STRN: variants seen among roughly 807,000 people sequenced by gnomAD.
STRN encodes the protein protein phosphatase 2 regulatory subunit B'''alpha.
A neutral mutation model predicts 96.3 loss-of-function variants in STRN; 53 were observed. The ratio of observed to expected loss-of-function variants is 0.55; its 90% CI spans 0.44 to 0.69. The LOEUF (loss-of-function observed/expected upper bound fraction) is 0.69, where lower values mean the gene tolerates loss of function less well. STRN is among the 30% of genes least tolerant of loss of function. The pLI, the probability that STRN is intolerant of heterozygous loss-of-function variation, is 0.00. For missense variants in STRN, 987 were observed against 963.9 expected, an observed-to-expected ratio of 1.02 and a Z score of -0.32; for synonymous variants, 428 against 355.9, an observed-to-expected ratio of 1.20 and a Z score of -2.28.
intron 1 of STRN, among the ~76,000 whole-genome samples, chr2:36,952,021 G>T (rs892317760): frequency 7.2e-5 from 11 of 152,174 alleles, no homozygotes; most frequent in African/African-American, 2.7e-4. Context: ...ATGATGTGAG[G>T]TGGAACAATT....
intron 1 of STRN, among the ~76,000 whole-genome samples, chr2:36,944,826 A>C (rs1488220397): frequency 6.6e-6 from 1 of 152,220 alleles, no homozygotes; most frequent in Non-Finnish European, 1.5e-5. Flanking sequence ...ATTCAGTCGT[A>C]ATCAGAGAAA....
chr2:36,961,402 C>T (rs182289834), intron 1 of STRN, among the ~76,000 whole-genome samples: 1 of 152,120 alleles, frequency 6.6e-6, no homozygotes. Flanking sequence ...TACAGGATTA[C>T]AGGTTTTGAG....
At chr2:36,878,176 A>C in intron 9 of STRN, 149 bp from the exon 10 acceptor site, 1 of 840,210 alleles carries the variant, frequency 1.2e-6, no homozygotes, top group East Asian at 2.8e-5. Context: ...GTGAGCAGAA[A>C]ATCCTAAATA....
rs939080316 is a variant in STRN, at chr2:36,838,363, G to C, written c.*11093C>G. Among the ~76,000 whole-genome samples the C allele has an allele frequency of 2.0e-5, 3 of 152,162 alleles. No individual in the cohort carries two copies. The highest frequency in any genetic ancestry group is 7.2e-5 in the African/African-American group (3 of 41,434). ...TTTCAGCCTTGTTGGGCCTTGAACA[G>C]ACAGCCCAGTTGAGTTTCCCTGGAG... is the stretch of plus-strand genomic sequence containing the variant. On this transcript the variant is annotated 3_prime_UTR_variant, in exon 18 of 18. Coordinates refer to ENST00000263918, the MANE Select transcript of STRN (RefSeq NM_003162.4).
chr2:36,961,750 T>G (rs959918349), intron 1 of STRN, among the ~76,000 whole-genome samples: 1 of 152,186 alleles, frequency 6.6e-6, no homozygotes, highest in Non-Finnish European at 1.5e-5. Context: ...CTCAGCTTGC[T>G]GAGGTATAAG....
At chr2:36,925,471 T>C (rs1670384550) in intron 1 of STRN, among the ~76,000 whole-genome samples, 1 of 152,012 alleles carries the variant, frequency 6.6e-6, no homozygotes, top group Admixed American at 6.6e-5. Flanking sequence ...CATTTAAGAG[T>C]CTACAATATA....
In STRN at chr2:36,844,936, G is replaced by C. The variant is rs778024098; in HGVS notation, c.*4520C>G. ...TTTCACAAAAATATACATATTTTTCGTCAGCTACTACTTTGTATACAACCT... is the reference window on the plus strand; with the variant it reads ...TTTCACAAAAATATACATATTTTTCCTCAGCTACTACTTTGTATACAACCT... On this transcript the variant is annotated 3_prime_UTR_variant, in exon 18 of 18. Transcript: ENST00000263918. 23 of 151,892 alleles carry C rather than the reference G, an allele frequency of 1.5e-4. No individual in the cohort carries two copies. Among genetic ancestry groups the C allele is most frequent in the Non-Finnish European group, 4.4e-5 (3 of 67,978 alleles). The allele number at this position is 151,892 out of a possible 1,614,324, so 9.4% of individuals were successfully genotyped here.
intron 9 of STRN, among the ~76,000 whole-genome samples, chr2:36,879,966 TA>T (rs552826713): frequency 3.6e-3 from 500 of 140,712 alleles, no homozygotes; most frequent in Middle Eastern, 7.5e-3. Flanking sequence ...CCCTATATCT[TA>T]AAAAAAAAAA....
At chr2:36,901,190 CACAAG>C (rs1669672519) in intron 5 of STRN, among the ~76,000 whole-genome samples, 1 of 152,100 alleles carries the variant, frequency 6.6e-6, no homozygotes, top group Non-Finnish European at 1.5e-5. Flanking sequence ...GGCCAAAACA[CACAAG>C]AGTGGTCTTC....
chr2:36,912,258 G>A (rs557905029), intron 3 of STRN, among the ~76,000 whole-genome samples: 15 of 152,204 alleles, frequency 9.9e-5, no homozygotes, highest in South Asian at 2.1e-4. Flanking sequence ...GTGTGCGCGC[G>A]CGCACACACA....
At chr2:36,929,318 T>C (rs1670506248) in intron 1 of STRN, among the ~76,000 whole-genome samples, 1 of 152,222 alleles carries the variant, frequency 6.6e-6, no homozygotes, top group Non-Finnish European at 1.5e-5. Flanking sequence ...TTTATCTGCA[T>C]ACATAATATC....
At position 36,849,394 on chromosome 2, in the gene STRN, T is replaced by A; in HGVS notation, c.*62A>T. On this transcript the variant is annotated 3_prime_UTR_variant, in exon 18 of 18. Transcript: ENST00000263918. ...CGAGATGATTCTTGCCCTCGTCTTC[T>A]GTATCTCTTGTGTGCAGTTGATTAC... 6.4e-7 allele frequency: 1 copy of A among 1,569,232 alleles called. No individual in the cohort carries two copies. The highest frequency in any genetic ancestry group is 8.7e-7 in the Non-Finnish European group (1 of 1,149,904).
chr2:36,872,198 A>G (rs2148153839), intron 10 of STRN, among the ~76,000 whole-genome samples: 1 of 152,314 alleles, frequency 6.6e-6, no homozygotes, highest in East Asian at 1.9e-4. Context: ...AGAAGTGATA[A>G]CAAGTTGTAA....
chr2:36,933,059 T>TACAC (rs61245812), intron 1 of STRN, among the ~76,000 whole-genome samples: 17,382 of 147,954 alleles, frequency 0.12, 1,028 homozygotes, highest in South Asian at 0.15. Context: ...TTTTTTAATT[T>TACAC]ACACACACAC....
At chr2:36,889,928 T>C (rs1669343929) in intron 7 of STRN, among the ~76,000 whole-genome samples, 1 of 152,200 alleles carries the variant, frequency 6.6e-6, no homozygotes, top group Admixed American at 6.5e-5. Context: ...AGGTAAAATG[T>C]ACACACATGT....
In STRN at chr2:36,869,563, G is replaced by T; in HGVS notation, c.1490C>A (p.Pro497Gln). The T allele has an allele frequency of 6.5e-7, 1 of 1,541,398 alleles. No individual in the cohort carries two copies. Among genetic ancestry groups the T allele is most frequent in the Non-Finnish European group, 8.7e-7 (1 of 1,143,094 alleles). ...AGTAGAATATTCTCACTTTTTGGCT[G>T]GGGCTGTTTTCTGTAAATTCCACAT... Reference protein sequence around the residue: ...LKMWNLQKTAPAKKSTSLDVE... With the variant: ...LKMWNLQKTAQAKKSTSLDVE... Residue 497 changes from proline to glutamine, a missense_variant, in exon 11 of 18, where the codon CCA becomes CAA. Coordinates refer to ENST00000263918, the MANE Select transcript of STRN (RefSeq NM_003162.4).
At chr2:36,887,504 C>T (rs941572077) in intron 7 of STRN, among the ~76,000 whole-genome samples, 4 of 151,560 alleles carry the variant, frequency 2.6e-5, no homozygotes, top group South Asian at 2.1e-4. Flanking sequence ...CAGAACTTCT[C>T]GTTTTCAGAA....
chr2:36,847,321 T>G lies in STRN; in HGVS notation c.*2135A>C, dbSNP rs906488789. 1 of 152,110 alleles carries G rather than the reference T, an allele frequency of 6.6e-6. No homozygotes were observed. The highest frequency in any genetic ancestry group is 2.4e-5 in the African/African-American group (1 of 41,430). The allele number at this position is 152,110 out of a possible 1,614,324, so 9.4% of individuals were successfully genotyped here. On this transcript the variant is annotated 3_prime_UTR_variant, in exon 18 of 18. Coordinates refer to ENST00000263918, the MANE Select transcript of STRN (RefSeq NM_003162.4). ...GTAACTGAAGATCTTAGAAGGTAATTAATAACTGGTAGAACAATAGCTTTG... is the reference window on the plus strand; with the variant it reads ...GTAACTGAAGATCTTAGAAGGTAATGAATAACTGGTAGAACAATAGCTTTG...
At chr2:36,873,884 A>C (rs1385013985) in intron 10 of STRN, among the ~76,000 whole-genome samples, 1 of 151,342 alleles carries the variant, frequency 6.6e-6, no homozygotes, top group Non-Finnish European at 1.5e-5. Context: ...CAGAGGTTGC[A>C]GTGAGCCGAG....
Sources: allele counts gnomAD v4.1 joint callset (sites outside exome capture counted in the v4.1 genomes callset), GRCh38; gene constraint gnomAD v4.1.1; transcripts MANE v1.5; gene names NCBI Gene and HGNC (gene_info 2026-07-23, HGNC 2026-07-21).